The following KCNIP4 variants were observed in gnomAD, a reference collection of about 807,000 sequenced individuals.
KCNIP4 encodes the protein Kv channel-interacting protein 4.
KCNIP4 carries 12 observed loss-of-function variants against 34.0 expected under a neutral mutation model. The ratio of observed to expected loss-of-function variants is 0.35; its 90% CI spans 0.23 to 0.57. The LOEUF (loss-of-function observed/expected upper bound fraction) is 0.57, where lower values mean the gene tolerates loss of function less well. KCNIP4 is among the 20% of genes least tolerant of loss of function. The probability of loss-of-function intolerance (pLI) is 0.83; values close to 1 mark genes in which losing one functional copy is unlikely to be tolerated. For missense variants in KCNIP4, 238 were observed against 311.7 expected (o/e 0.76, Z 1.78); for synonymous variants, 124 against 102.2 (o/e 1.21, Z -1.29).
At chr4:21,112,078 A>G (rs2109106334) in intron 1 of KCNIP4, among the ~76,000 whole-genome samples, 1 of 125,842 alleles carries the variant, frequency 7.9e-6, no homozygotes, top group Non-Finnish European at 1.7e-5. Context: ...TCTATCATCT[A>G]TATCATCTAT....
At chr4:21,296,749 G>T (rs1763863326) in intron 1 of KCNIP4, among the ~76,000 whole-genome samples, 1 of 151,870 alleles carries the variant, frequency 6.6e-6, no homozygotes, top group Non-Finnish European at 1.5e-5. Flanking sequence ...AATTCCAGGA[G>T]CCAGATTTGT....
chr4:21,666,000 C>G (rs879270433), intron 1 of KCNIP4, among the ~76,000 whole-genome samples: 2 of 152,154 alleles, frequency 1.3e-5, no homozygotes, highest in Non-Finnish European at 2.9e-5. Flanking sequence ...CTATTAATTT[C>G]AAAAAATCAG....
At chr4:20,774,106 AGAT>A (rs1756156322) in intron 3 of KCNIP4, among the ~76,000 whole-genome samples, 1 of 152,222 alleles carries the variant, frequency 6.6e-6, no homozygotes, top group Admixed American at 6.5e-5. Flanking sequence ...GCTTAAATAA[AGAT>A]AACCCATGCA....
chr4:21,566,072 A>C (rs1400696212), intron 1 of KCNIP4, among the ~76,000 whole-genome samples: 2 of 152,190 alleles, frequency 1.3e-5, no homozygotes, highest in Non-Finnish European at 1.5e-5. Context: ...AGCAACAGTC[A>C]CATACAGGAA....
At chr4:21,103,591 A>C (rs187082580) in intron 1 of KCNIP4, among the ~76,000 whole-genome samples, 46 of 151,112 alleles carry the variant, frequency 3.0e-4, no homozygotes, top group African/African-American at 1.1e-3. Flanking sequence ...ATTTTATTTT[A>C]TTATTATTAT....
intron 1 of KCNIP4, among the ~76,000 whole-genome samples, chr4:21,340,529 G>A (rs1023565477): frequency 1.7e-4 from 26 of 152,046 alleles, no homozygotes; most frequent in Non-Finnish European, 7.4e-5. Flanking sequence ...AGCAGTTATG[G>A]TATAGTACAA....
At chr4:20,850,976 A>C (rs112919922) in intron 2 of KCNIP4, among the ~76,000 whole-genome samples, 3,080 of 152,268 alleles carry the variant, frequency 0.02, 95 homozygotes, top group African/African-American at 0.07. Flanking sequence ...TGATTACGTC[A>C]AACAAAAAGT....
chr4:21,021,213 ACTAT>A (rs1320257677), intron 1 of KCNIP4, among the ~76,000 whole-genome samples: 9 of 152,200 alleles, frequency 5.9e-5, no homozygotes, highest in Non-Finnish European at 1.3e-4. Flanking sequence ...CAGTACAAAT[ACTAT>A]CTAAAAGTCC....
chr4:21,573,586 A>G (rs1345975327), intron 1 of KCNIP4, among the ~76,000 whole-genome samples: 1 of 151,964 alleles, frequency 6.6e-6, no homozygotes, highest in East Asian at 1.9e-4. Flanking sequence ...TAATTCATCT[A>G]TGTAAGGCCA....
chr4:20,973,753 G>A (rs1735209844), intron 1 of KCNIP4, among the ~76,000 whole-genome samples: 1 of 152,082 alleles, frequency 6.6e-6, no homozygotes, highest in South Asian at 2.1e-4. Context: ...TTTCATTATT[G>A]TTGTGTTTCA....
At chr4:20,762,103 A>G (rs1425644225) in intron 3 of KCNIP4, among the ~76,000 whole-genome samples, 1 of 152,188 alleles carries the variant, frequency 6.6e-6, no homozygotes, top group African/African-American at 2.4e-5. Context: ...TTCTCATAGT[A>G]CTGGAGGCTA....
intron 5 of KCNIP4, among the ~76,000 whole-genome samples, chr4:20,745,214 AT>A (rs57544923): frequency 0.11 from 17,134 of 151,064 alleles, 1,130 homozygotes; most frequent in South Asian, 0.19. Flanking sequence ...TGAAATTACC[AT>A]TTTTTTTTGT....
intron 1 of KCNIP4, among the ~76,000 whole-genome samples, chr4:21,218,340 G>A (rs1315468995): frequency 1.3e-5 from 2 of 151,558 alleles, no homozygotes; most frequent in Non-Finnish European, 2.9e-5. Context: ...ATTTATATTT[G>A]GTGTGCTTTC....
At chr4:21,731,248 C>T (rs1338143844) in intron 1 of KCNIP4, among the ~76,000 whole-genome samples, 1 of 152,032 alleles carries the variant, frequency 6.6e-6, no homozygotes. Flanking sequence ...AATCTTCTTT[C>T]TCATATTATC....
In KCNIP4 at chr4:21,193,273, A is replaced by T. The variant is rs1231683502; in HGVS notation, c.62-310564T>A. 2.6e-5 allele frequency among the ~76,000 whole-genome samples: 4 copies of T among 152,152 alleles called. No homozygotes were observed. The East Asian group carries it at 7.7e-4, about 29-fold the overall frequency. On this transcript the variant is annotated intron_variant, in intron 1 of 8. Coordinates refer to ENST00000382152, the MANE Select transcript of KCNIP4 (RefSeq NM_025221.6). ...AATTAGTTAATTGTGTGTTGCTTTA[A>T]TTACTTACACTCTTTTTAAAGCTTT...
At chr4:21,472,741 C>G (rs1730577038) in intron 1 of KCNIP4, among the ~76,000 whole-genome samples, 1 of 151,606 alleles carries the variant, frequency 6.6e-6, no homozygotes, top group East Asian at 1.9e-4. Flanking sequence ...TCAGCTAGAT[C>G]TGTATTCAAT....
At chr4:21,852,155 T>G (rs1184670800) in intron 1 of KCNIP4, 1 of 152,048 alleles carries the variant, frequency 6.6e-6, no homozygotes, top group Admixed American at 6.6e-5. Flanking sequence ...GATAAGTGTG[T>G]GGGGACCTCC....
chr4:21,867,909 G>A (rs1468574368), intron 1 of KCNIP4, among the ~76,000 whole-genome samples: 1 of 152,054 alleles, frequency 6.6e-6, no homozygotes, highest in East Asian at 1.9e-4. Flanking sequence ...ATGTCCAAAT[G>A]ATCTTCAAGA....
chr4:21,333,171 C>T (rs1363140220), intron 1 of KCNIP4, among the ~76,000 whole-genome samples: 3 of 152,016 alleles, frequency 2.0e-5, no homozygotes, highest in Non-Finnish European at 4.4e-5. Context: ...TTGATTGCTT[C>T]TTAATTCTCA....
Sources: gnomAD v4.1 joint callset for allele counts (sites outside exome capture counted in the v4.1 genomes callset) on GRCh38, gnomAD v4.1.1 for gene constraint, MANE v1.5 for transcripts, NCBI Gene and HGNC (gene_info 2026-07-23, HGNC 2026-07-21) for gene names.